Variants in FOXN3 observed in about 807,000 individuals in gnomAD.
FOXN3 encodes forkhead box N3.
A neutral mutation model predicts 38.4 loss-of-function variants in FOXN3; 7 were observed. The ratio of observed to expected loss-of-function variants is 0.18; its 90% CI spans 0.10 to 0.34. The LOEUF is 0.34. Ranked by LOEUF, FOXN3 falls within the 10% of genes least tolerant of loss-of-function variation. FOXN3 has a pLI of 1.00. For missense variants in FOXN3, 456 were observed against 613.4 expected (o/e 0.74, Z 2.71); for synonymous variants, 230 against 242.2 (o/e 0.95, Z 0.47).
chr14:89,555,554 T>A (rs762637268), intron 1 of FOXN3, among the ~76,000 whole-genome samples: 107 of 152,356 alleles, frequency 7.0e-4, no homozygotes, highest in Non-Finnish European at 1.3e-3. Flanking sequence ...GTCAACTGCA[T>A]GTTCATATCT....
intron 4 of FOXN3, among the ~76,000 whole-genome samples, chr14:89,237,514 T>C (rs1885014380): frequency 7.4e-6 from 1 of 135,072 alleles, no homozygotes; most frequent in South Asian, 2.6e-4. Context: ...AGAAATGTTC[T>C]GTATCTTGAC....
rs565011473 is a variant in FOXN3, at chr14:89,278,192, G to A, written c.745+2758C>T. Reference sequence around the variant, plus strand: ...CTGGAGAGGCCTCACAATCATGGTGGAAGACAAAAGATACGTCTTACATGG... The same window carrying A: ...CTGGAGAGGCCTCACAATCATGGTGAAAGACAAAAGATACGTCTTACATGG... On this transcript the variant is annotated intron_variant, in intron 4 of 5. Transcript: ENST00000557258. Among the ~76,000 whole-genome samples, 12 of 152,258 alleles carry A rather than the reference G, an allele frequency of 7.9e-5. No homozygotes were observed. The East Asian group carries it at 1.9e-3, about 25-fold the overall frequency.
chr14:89,313,078 G>C (rs754634349), intron 3 of FOXN3, among the ~76,000 whole-genome samples: 11 of 152,322 alleles, frequency 7.2e-5, no homozygotes, highest in Non-Finnish European at 1.3e-4. Context: ...TCTGCTTCTA[G>C]AGAATCCAGC....
intron 1 of FOXN3, among the ~76,000 whole-genome samples, chr14:89,536,484 A>G (rs2139842998): frequency 6.6e-6 from 1 of 152,340 alleles, no homozygotes; most frequent in South Asian, 2.1e-4. Context: ...TGAGGCTTAT[A>G]AAGATTAAAT....
chr14:89,451,682 T>C (rs985213491), intron 1 of FOXN3, among the ~76,000 whole-genome samples: 18 of 152,176 alleles, frequency 1.2e-4, no homozygotes, highest in African/African-American at 4.1e-4. Context: ...TCATCACCCC[T>C]GCCTGCCAGT....
At chr14:89,184,807 T>A (rs1887762092) in intron 4 of FOXN3, among the ~76,000 whole-genome samples, 1 of 152,208 alleles carries the variant, frequency 6.6e-6, no homozygotes, top group Admixed American at 6.5e-5. Flanking sequence ...ATCGTCATCG[T>A]CACCGTCATC....
intron 1 of FOXN3, among the ~76,000 whole-genome samples, chr14:89,468,974 T>C (rs1033316805): frequency 2.0e-5 from 3 of 152,180 alleles, no homozygotes; most frequent in African/African-American, 7.2e-5. Flanking sequence ...AAAAGCCAAG[T>C]GAACGTGCCT....
intron 1 of FOXN3, among the ~76,000 whole-genome samples, chr14:89,609,469 A>C (rs920849161): frequency 6.6e-6 from 1 of 152,170 alleles, no homozygotes; most frequent in Non-Finnish European, 1.5e-5. Context: ...CAACATAACA[A>C]TAAAAATAGC....
At chr14:89,561,218 T>G (rs1415426821) in intron 1 of FOXN3, among the ~76,000 whole-genome samples, 1 of 152,228 alleles carries the variant, frequency 6.6e-6, no homozygotes, top group Non-Finnish European at 1.5e-5. Context: ...CATTTGTTTG[T>G]TTATTTATTT....
rs796319604 is a variant in FOXN3, at chr14:89,333,759, A to T, written c.680+16913T>A. Among the ~76,000 whole-genome samples the T allele has an allele frequency of 3.1e-4, 32 of 101,612 alleles. 1 individual carries two copies. The highest frequency in any genetic ancestry group is 7.1e-4 in the East Asian group (2 of 2,832). The allele number at this position is 101,612 out of a possible 152,430, so 66.7% of individuals were successfully genotyped here. A position where few individuals can be genotyped will look rare whatever the true frequency, so the allele number is the denominator to read the frequency against. ...ACACAGAGAGACTATTAAAAAAAAA[A>T]AAAAAAAAAAAAAAAAACAGAACCC... On this transcript the variant is annotated intron_variant, in intron 3 of 5. Transcript: ENST00000557258.
intron 3 of FOXN3, among the ~76,000 whole-genome samples, chr14:89,329,296 G>A (rs1181431331): frequency 6.6e-6 from 1 of 152,110 alleles, no homozygotes; most frequent in South Asian, 2.1e-4. Context: ...AAAACCCCAA[G>A]CTCTTTTTCA....
chr14:89,374,290 A>G lies in FOXN3; in HGVS notation c.544-23482T>C, dbSNP rs4899985. Among the ~76,000 whole-genome samples the G allele has an allele frequency of 3.7e-3, 462 of 126,182 alleles. 17 individuals carry two copies. Among genetic ancestry groups the G allele is most frequent in the Middle Eastern group, 9.4e-3 (2 of 212 alleles). 82.8% of individuals were successfully genotyped at this position (126,182 alleles called of 152,430 possible). On this transcript the variant is annotated intron_variant, in intron 2 of 5. Transcript: ENST00000557258. The stretch of plus-strand genomic sequence containing the variant: ...AAAAAAAAAAAAAAAAAAAAAAAAA[A>G]GAAGGAAGGAAAGGAAAAGAAAAAG...
chr14:89,302,008 T>A (rs1887231778), intron 3 of FOXN3, among the ~76,000 whole-genome samples: 2 of 152,024 alleles, frequency 1.3e-5, no homozygotes, highest in South Asian at 4.2e-4. Context: ...TCGCAAACTG[T>A]CCCACGTGTC....
At chr14:89,452,702 T>C (rs1164211323) in intron 1 of FOXN3, among the ~76,000 whole-genome samples, 1 of 152,034 alleles carries the variant, frequency 6.6e-6, no homozygotes, top group Admixed American at 6.6e-5. Context: ...CCCAACAGCC[T>C]AAGGACAGGG....
intron 3 of FOXN3, among the ~76,000 whole-genome samples, chr14:89,301,736 C>G (rs1887223755): frequency 1.3e-5 from 2 of 152,076 alleles, no homozygotes. Flanking sequence ...CCACTGCACT[C>G]CAGCCTGGGC....
chr14:89,558,324 A>G (rs1895170006), intron 1 of FOXN3, among the ~76,000 whole-genome samples: 1 of 152,206 alleles, frequency 6.6e-6, no homozygotes, highest in African/African-American at 2.4e-5. Context: ...TAGCCTGGAC[A>G]TGATGACCGA....
intron 1 of FOXN3, among the ~76,000 whole-genome samples, chr14:89,568,501 A>G (rs115784525): frequency 0.012 from 1,773 of 152,280 alleles, 29 homozygotes; most frequent in African/African-American, 0.04. Flanking sequence ...CTCTGCCCTC[A>G]GCACGGAAGC....
chr14:89,527,310 C>T (rs937986391), intron 1 of FOXN3, among the ~76,000 whole-genome samples: 13 of 152,206 alleles, frequency 8.5e-5, no homozygotes, highest in African/African-American at 2.9e-4. Flanking sequence ...TCATTGTGAT[C>T]TTGCATTAGG....
At chr14:89,277,920 C>A (rs1488048404) in intron 4 of FOXN3, among the ~76,000 whole-genome samples, 1 of 152,152 alleles carries the variant, frequency 6.6e-6, no homozygotes, top group Non-Finnish European at 1.5e-5. Flanking sequence ...CTCTTTCTTG[C>A]AATGACATTT....
Sources: allele counts gnomAD v4.1 joint callset (sites outside exome capture counted in the v4.1 genomes callset), GRCh38; gene constraint gnomAD v4.1.1; transcripts MANE v1.5; gene names NCBI Gene and HGNC (gene_info 2026-07-23, HGNC 2026-07-21).